The following LRMDA variants were observed in gnomAD, a reference collection of about 807,000 sequenced individuals.
The protein encoded by LRMDA is leucine-rich melanocyte differentiation-associated protein.
In LRMDA, 18 loss-of-function variants were observed where a neutral mutation model predicts 29.8. The ratio of observed to expected loss-of-function variants is 0.60; its 90% CI spans 0.42 to 0.90. The LOEUF (loss-of-function observed/expected upper bound fraction) is 0.90. LRMDA is among the 40% of genes least tolerant of loss of function. The probability of loss-of-function intolerance (pLI) is 0.00; values close to 1 mark genes in which losing one functional copy is unlikely to be tolerated. For synonymous variants in LRMDA, 125 were observed against 109.4 expected, an observed-to-expected ratio of 1.14 and a Z score of -0.89; for missense variants, 273 against 273.9, an observed-to-expected ratio of 1.00 and a Z score of 0.02.
intron 2 of LRMDA, among the ~76,000 whole-genome samples, chr10:75,501,268 T>C (rs562610815): frequency 1.1e-4 from 16 of 152,372 alleles, no homozygotes; most frequent in African/African-American, 3.8e-4. Context: ...GTATTTTTAA[T>C]TGGTAGTTTC....
At chr10:75,772,903 C>T (rs867302295) in intron 2 of LRMDA, among the ~76,000 whole-genome samples, 6 of 151,136 alleles carry the variant, frequency 4.0e-5, no homozygotes, top group Admixed American at 1.3e-4. Context: ...ATGTATGGAT[C>T]ATCCCAGCTT....
intron 2 of LRMDA, among the ~76,000 whole-genome samples, chr10:75,943,634 T>C (rs1846430915): frequency 6.6e-6 from 1 of 152,170 alleles, no homozygotes; most frequent in Non-Finnish European, 1.5e-5. Flanking sequence ...CAGTGGCATA[T>C]TGGGAGATAT....
intron 2 of LRMDA, among the ~76,000 whole-genome samples, chr10:75,792,808 T>A (rs959849122): frequency 4.6e-5 from 7 of 152,214 alleles, no homozygotes; most frequent in Admixed American, 3.9e-4. Context: ...TAGGTTGTTA[T>A]GAGGACTAAA....
intron 6 of LRMDA, among the ~76,000 whole-genome samples, chr10:76,424,400 G>A (rs948194379): frequency 3.3e-5 from 5 of 152,040 alleles, no homozygotes; most frequent in South Asian, 2.1e-4. Flanking sequence ...TTAGTCAGGC[G>A]TGGTGGCAGG....
intron 2 of LRMDA, among the ~76,000 whole-genome samples, chr10:75,619,394 A>G (rs1223830112): frequency 6.6e-6 from 1 of 152,014 alleles, no homozygotes; most frequent in Non-Finnish European, 1.5e-5. Flanking sequence ...TCTTAGGGAA[A>G]TTTCCCTCCC....
intron 2 of LRMDA, among the ~76,000 whole-genome samples, chr10:75,637,190 A>T (rs1448454982): frequency 6.6e-6 from 1 of 152,208 alleles, no homozygotes; most frequent in Non-Finnish European, 1.5e-5. Context: ...GTGTTGGGTC[A>T]TGACTTACAT....
chr10:76,268,448 A>T (rs1840030516), intron 5 of LRMDA, among the ~76,000 whole-genome samples: 1 of 152,092 alleles, frequency 6.6e-6, no homozygotes, highest in African/African-American at 2.4e-5. Flanking sequence ...CTTTGGCTTC[A>T]TGGTATTTAC....
chr10:76,237,603 T>C (rs947993615), intron 5 of LRMDA, among the ~76,000 whole-genome samples: 5 of 152,124 alleles, frequency 3.3e-5, no homozygotes, highest in African/African-American at 1.2e-4. Context: ...CTTTGCAATG[T>C]TGTCTTTTTC....
intron 2 of LRMDA, among the ~76,000 whole-genome samples, chr10:75,652,064 G>A (rs769157157): frequency 6.6e-6 from 1 of 152,152 alleles, no homozygotes; most frequent in Non-Finnish European, 1.5e-5. Flanking sequence ...TTCTCAAAGC[G>A]AAATGTTGTC....
chr10:75,490,286 G>T (rs1402559918), intron 2 of LRMDA, among the ~76,000 whole-genome samples: 1 of 151,942 alleles, frequency 6.6e-6, no homozygotes, highest in Admixed American at 6.6e-5. Context: ...TAGTGATGAT[G>T]AGAAGTATTT....
At chr10:75,803,430 G>T (rs1589211812) in intron 2 of LRMDA, among the ~76,000 whole-genome samples, 2 of 152,338 alleles carry the variant, frequency 1.3e-5, no homozygotes, top group South Asian at 2.1e-4. Context: ...GAAGGCTGGG[G>T]TAACAAGTCC....
At chr10:76,447,016 G>A (rs148804170) in intron 6 of LRMDA, among the ~76,000 whole-genome samples, 226 of 151,282 alleles carry the variant, frequency 1.5e-3, no homozygotes, top group African/African-American at 4.5e-3. Flanking sequence ...AATTGTGTTC[G>A]GTATATGTTG....
intron 2 of LRMDA, among the ~76,000 whole-genome samples, chr10:75,577,817 C>T (rs576024521): frequency 2.0e-5 from 3 of 152,092 alleles, no homozygotes; most frequent in East Asian, 1.9e-4. Flanking sequence ...GAAATAAAAC[C>T]GTTTACAGAC....
chr10:76,232,989 A>G (rs530195771), intron 5 of LRMDA, among the ~76,000 whole-genome samples: 139 of 152,338 alleles, frequency 9.1e-4, no homozygotes, highest in Non-Finnish European at 6.9e-4. Flanking sequence ...TATATGTAAA[A>G]TAGGTGAAAG....
At chr10:76,138,903 T>C (rs1344600582) in intron 5 of LRMDA, among the ~76,000 whole-genome samples, 1 of 152,104 alleles carries the variant, frequency 6.6e-6, no homozygotes, top group African/African-American at 2.4e-5. Flanking sequence ...TGGCTTTACA[T>C]CATTTTTTTT....
intron 2 of LRMDA, among the ~76,000 whole-genome samples, chr10:75,872,766 T>C (rs1304595655): frequency 6.6e-6 from 1 of 152,192 alleles, no homozygotes; most frequent in Admixed American, 6.5e-5. Flanking sequence ...TTAAATGCCA[T>C]CTTTTTCATA....
intron 5 of LRMDA, among the ~76,000 whole-genome samples, chr10:76,154,393 G>C (rs1850501118): frequency 6.6e-6 from 1 of 152,186 alleles, no homozygotes; most frequent in African/African-American, 2.4e-5. Context: ...ATGACAATTA[G>C]AGCATCTAGA....
intron 2 of LRMDA, among the ~76,000 whole-genome samples, chr10:75,907,421 A>G (rs1008627737): frequency 6.6e-6 from 1 of 152,210 alleles, no homozygotes; most frequent in African/African-American, 2.4e-5. Context: ...TGTGAAAGCA[A>G]TCTGCTCAAA....
chr10:75,971,308 G>A (rs961186096), intron 2 of LRMDA, among the ~76,000 whole-genome samples: 10 of 152,086 alleles, frequency 6.6e-5, no homozygotes, highest in South Asian at 4.2e-4. Flanking sequence ...CTCTCCTCTC[G>A]CAGCAGGAAA....
Sources: gnomAD v4.1 joint callset for allele counts (sites outside exome capture counted in the v4.1 genomes callset) on GRCh38, gnomAD v4.1.1 for gene constraint, MANE v1.5 for transcripts, NCBI Gene and HGNC (gene_info 2026-07-23, HGNC 2026-07-21) for gene names.